The following ASIC2 variants were observed in gnomAD, a reference collection of about 807,000 sequenced individuals.
ASIC2 encodes the protein acid sensing ion channel subunit 2.
A neutral mutation model predicts 57.3 loss-of-function variants in ASIC2; 25 were observed. The observed-to-expected ratio is 0.44, with a 90% CI of 0.32 to 0.61. ASIC2 has a LOEUF of 0.61. Among genes scored for constraint, ASIC2 ranks in the 20% least tolerant of loss-of-function variants. The probability of loss-of-function intolerance (pLI) is 0.06; values close to 1 mark genes in which losing one functional copy is unlikely to be tolerated. For synonymous variants in ASIC2, 319 were observed against 307.5 expected (o/e 1.04, Z -0.39); for missense variants, 641 against 738.1 (o/e 0.87, Z 1.52).
intron 1 of ASIC2, among the ~76,000 whole-genome samples, chr17:33,731,905 G>T (rs1909755079): frequency 6.6e-6 from 1 of 152,188 alleles, no homozygotes; most frequent in Non-Finnish European, 1.5e-5. Context: ...TGGGGGAGCT[G>T]TTGTGATATG....
At chr17:33,779,967 CTTTTTT>C (rs759850922) in intron 1 of ASIC2, among the ~76,000 whole-genome samples, 5 of 85,186 alleles carry the variant, frequency 5.9e-5, no homozygotes, top group Non-Finnish European at 1.0e-4. Context: ...CTACAGAAGC[CTTTTTT>C]TTTTTTTTTT....
chr17:33,825,807 A>C (rs1405417525), intron 1 of ASIC2, among the ~76,000 whole-genome samples: 1 of 152,260 alleles, frequency 6.6e-6, no homozygotes, highest in Non-Finnish European at 1.5e-5. Flanking sequence ...GCTGTATCCA[A>C]ATTTATCAAC....
At chr17:33,811,848 C>T (rs1456304285) in intron 1 of ASIC2, among the ~76,000 whole-genome samples, 3 of 152,188 alleles carry the variant, frequency 2.0e-5, no homozygotes, top group East Asian at 3.9e-4. Context: ...GCATTCCTAT[C>T]GGTCATGTTT....
intron 3 of ASIC2, chr17:33,052,568 C>T (rs2091981164): frequency 6.6e-6 from 1 of 152,152 alleles, no homozygotes; most frequent in Non-Finnish European, 1.5e-5. Flanking sequence ...AAAACTCTCT[C>T]TTCAGGATAG....
intron 1 of ASIC2, among the ~76,000 whole-genome samples, chr17:34,086,016 G>C (rs948522655): frequency 1.3e-5 from 2 of 151,460 alleles, no homozygotes; most frequent in African/African-American, 4.9e-5. Flanking sequence ...TTTTTTGAAG[G>C]GTTTTTTGTG....
chr17:33,557,016 C>T (rs1261649020), intron 1 of ASIC2, among the ~76,000 whole-genome samples: 1 of 152,180 alleles, frequency 6.6e-6, no homozygotes, highest in Non-Finnish European at 1.5e-5. Context: ...TGGACAGCTG[C>T]TTTTGCAGCA....
chr17:33,677,818 ACTC>A, intron 1 of ASIC2, among the ~76,000 whole-genome samples: 1 of 152,268 alleles, frequency 6.6e-6, no homozygotes, highest in African/African-American at 2.4e-5. Flanking sequence ...GATGGAATCT[ACTC>A]CTGGTGAAGA....
intron 1 of ASIC2, among the ~76,000 whole-genome samples, chr17:33,131,061 T>C (rs760946099): frequency 3.9e-5 from 6 of 152,168 alleles, no homozygotes; most frequent in Non-Finnish European, 7.3e-5. Context: ...ATTAAATGAA[T>C]GTGGGCACCT....
At chr17:33,017,518 G>T in intron 8 of ASIC2, 87 bp downstream of exon 8, 2 of 1,127,260 alleles carry the variant, frequency 1.8e-6, no homozygotes, top group Non-Finnish European at 2.6e-6. Flanking sequence ...GAGAGGCACC[G>T]CCTTCCCTCT....
At chr17:33,245,799 T>C (rs539765255) in intron 1 of ASIC2, among the ~76,000 whole-genome samples, 30 of 152,202 alleles carry the variant, frequency 2.0e-4, no homozygotes, top group African/African-American at 7.2e-4. Flanking sequence ...GATGAGGCCA[T>C]AGGCTAAGGC....
At chr17:33,578,961 T>G (rs1202382902) in intron 1 of ASIC2, among the ~76,000 whole-genome samples, 1 of 152,084 alleles carries the variant, frequency 6.6e-6, no homozygotes, top group African/African-American at 2.4e-5. Flanking sequence ...CCTCACCTGG[T>G]CCTAGGGAGC....
chr17:33,446,163 G>A lies in ASIC2; in HGVS notation c.556-334096C>T, dbSNP rs576996276. Among the ~76,000 whole-genome samples the A allele has an allele frequency of 2.6e-5, 4 of 152,144 alleles. No homozygotes were observed. The South Asian group carries it at 8.3e-4, about 32-fold the overall frequency. On this transcript the variant is annotated intron_variant, in intron 1 of 9. Transcript: ENST00000359872. ...AACTTACCCCAGCCCCGTGGAAGTA[G>A]GCATGTTGACCAGTAGCAAATAAAT... is the stretch of plus-strand genomic sequence containing the variant.
chr17:34,129,827 C>T (rs568159498), intron 1 of ASIC2, among the ~76,000 whole-genome samples: 5 of 152,294 alleles, frequency 3.3e-5, no homozygotes, highest in African/African-American at 7.2e-5. Flanking sequence ...ATCTAGAAGA[C>T]GGGGCATCCT....
At chr17:33,690,640 G>T (rs1908333752) in intron 1 of ASIC2, among the ~76,000 whole-genome samples, 1 of 151,788 alleles carries the variant, frequency 6.6e-6, no homozygotes, top group Non-Finnish European at 1.5e-5. Context: ...GAGAGGTATG[G>T]TTTGTTGGGG....
intron 7 of ASIC2, among the ~76,000 whole-genome samples, chr17:33,020,636 C>T (rs1242805360): frequency 2.0e-5 from 3 of 152,122 alleles, no homozygotes; most frequent in African/African-American, 4.8e-5. Flanking sequence ...GGAGCTCATG[C>T]GAACTTTTGT....
At chr17:33,356,231 C>CTT (rs1908368159) in intron 1 of ASIC2, among the ~76,000 whole-genome samples, 1 of 152,108 alleles carries the variant, frequency 6.6e-6, no homozygotes, top group Non-Finnish European at 1.5e-5. Context: ...GGGCCAGGTA[C>CTT]TTTAATTAAT....
chr17:33,730,874 CT>C lies in ASIC2; in HGVS notation c.555+425103del, dbSNP rs796794287. 3.0e-4 allele frequency among the ~76,000 whole-genome samples: 46 copies of C among 152,332 alleles called. 2 individuals are homozygous for C. Among genetic ancestry groups the C allele is most frequent in the African/African-American group, 1.1e-3 (45 of 41,576 alleles). On this transcript the variant is annotated intron_variant, in intron 1 of 9. Transcript: ENST00000359872. ...ATCAAAGCTGAAAGATATATCCCCCCTGTTTCCTTTCAGAGACCTGAAATTG... is the reference window on the plus strand; with the variant it reads ...ATCAAAGCTGAAAGATATATCCCCCCGTTTCCTTTCAGAGACCTGAAATTG...
At chr17:33,091,533 G>C (rs1436612410) in intron 2 of ASIC2, among the ~76,000 whole-genome samples, 1 of 152,024 alleles carries the variant, frequency 6.6e-6, no homozygotes, top group Non-Finnish European at 1.5e-5. Context: ...TGGTTTACAG[G>C]AGAAATGAGA....
At chr17:33,287,765 C>G (rs909894979) in intron 1 of ASIC2, among the ~76,000 whole-genome samples, 2 of 152,174 alleles carry the variant, frequency 1.3e-5, no homozygotes, top group Non-Finnish European at 2.9e-5. Context: ...GCACTTCCCC[C>G]CAAAGGCCTC....
Sources: gnomAD v4.1 joint callset for allele counts (sites outside exome capture counted in the v4.1 genomes callset) on GRCh38, gnomAD v4.1.1 for gene constraint, MANE v1.5 for transcripts, NCBI Gene and HGNC (gene_info 2026-07-23, HGNC 2026-07-21) for gene names.